Variants in SLC39A3 observed in about 807,000 individuals in gnomAD.
SLC39A3 encodes the protein zinc transporter ZIP3.
SLC39A3 carries 3 observed loss-of-function variants against 5.1 expected under a neutral mutation model. The observed-to-expected ratio is 0.59, with a 90% CI of 0.27 to 1.54. The LOEUF is 1.54. Among genes scored for constraint, SLC39A3 ranks in the 40% most tolerant of loss-of-function variants. SLC39A3 has a pLI of 0.12. For missense variants in SLC39A3, 412 were observed against 436.4 expected, an observed-to-expected ratio of 0.94 and a Z score of 0.50; for synonymous variants, 250 against 218.8, an observed-to-expected ratio of 1.14 and a Z score of -1.26.
At chr19:2,736,195 C>T (rs1163699883) in intron 2 of SLC39A3, 1 of 985,484 alleles carries the variant, frequency 1.0e-6, no homozygotes, top group East Asian at 1.1e-4. Flanking sequence ...TGGACAGACT[C>T]CAAGATGGCC....
chr19:2,738,635 A>G (rs1254724545), intron 1 of SLC39A3, among the ~76,000 whole-genome samples: 3 of 150,842 alleles, frequency 2.0e-5, no homozygotes, highest in Non-Finnish European at 4.4e-5. Flanking sequence ...CTCGGTTGGG[A>G]GTGGTGGCTC....
At chr19:2,738,619 G>A (rs1438140923) in intron 1 of SLC39A3, among the ~76,000 whole-genome samples, 2 of 152,010 alleles carry the variant, frequency 1.3e-5, no homozygotes, top group Non-Finnish European at 2.9e-5. Context: ...CCTCAAAAGG[G>A]CCTCCCTCGG....
chr19:2,736,097 G>GC, intron 2 of SLC39A3: 4 of 985,490 alleles, frequency 4.1e-6, no homozygotes, highest in Non-Finnish European at 4.8e-6. Context: ...TCACACTGTG[G>GC]CCTGACAGGG....
At position 2,733,069 on chromosome 19, in the gene SLC39A3, T is replaced by C. The variant is rs944483839; in HGVS notation, c.627A>G (p.Thr209=). The part of the protein sequence containing the change: ...SLFVGVAVHE[T]LVAVALGISM... ...TGATGCCCAGGGCCACGGCCACCAG[T>C]GTCTCGTGGACGGCCACCCCCACGA... is the stretch of plus-strand genomic sequence containing the variant. The change falls in exon 3 of 3, where the codon ACA becomes ACG. Residue 209 remains threonine, a synonymous_variant. Coordinates refer to ENST00000269740, the MANE Select transcript of SLC39A3 (RefSeq NM_144564.5). This position sits in a 1 kb window ranked among gnomAD's most constrained non-coding sequence, Gnocchi z 6.1. The C allele has an allele frequency of 1.4e-5, 22 of 1,609,940 alleles. No homozygotes were observed. Among genetic ancestry groups the C allele is most frequent in the Non-Finnish European group, 1.9e-5 (22 of 1,178,652 alleles).
Sources: gnomAD v4.1 joint callset for allele counts (sites outside exome capture counted in the v4.1 genomes callset) on GRCh38, gnomAD v4.1.1 for gene constraint, Gnocchi (gnomAD v3.1) non-coding constraint, MANE v1.5 for transcripts, NCBI Gene and HGNC (gene_info 2026-07-23, HGNC 2026-07-21) for gene names.